Variants in VAV3 observed in about 807,000 individuals in gnomAD.
The protein encoded by VAV3 is guanine nucleotide exchange factor VAV3.
VAV3 carries 94 observed loss-of-function variants against 131.2 expected under a neutral mutation model. That is an observed-to-expected ratio of 0.72 (90% CI 0.61 to 0.85). The LOEUF (loss-of-function observed/expected upper bound fraction) is 0.85. Ranked by LOEUF, VAV3 falls within the 40% of genes least tolerant of loss-of-function variation. The pLI is 0.00. For missense variants in VAV3, 939 were observed against 1,002.7 expected (o/e 0.94, Z 0.86); for synonymous variants, 349 against 342.0 (o/e 1.02, Z -0.22).
intron 1 of VAV3, among the ~76,000 whole-genome samples, chr1:107,957,577 C>A (rs759615544): frequency 2.6e-5 from 4 of 151,942 alleles, no homozygotes; most frequent in Non-Finnish European, 5.9e-5. Context: ...AATCAAAACA[C>A]AACTAAAGAG....
intron 15 of VAV3, among the ~76,000 whole-genome samples, chr1:107,721,455 G>C (rs562718615): frequency 1.3e-5 from 2 of 152,282 alleles, no homozygotes; most frequent in South Asian, 2.1e-4. Flanking sequence ...CTGAGAAAAT[G>C]AGGTATTCCC....
At chr1:107,586,182 C>CTTA (rs1650476698) in intron 25 of VAV3, among the ~76,000 whole-genome samples, 1 of 146,990 alleles carries the variant, frequency 6.8e-6, no homozygotes, top group East Asian at 2.0e-4. Context: ...TAACGTCTAA[C>CTTA]ATAATACACT....
At chr1:107,746,531 A>G (rs890132020) in intron 15 of VAV3, among the ~76,000 whole-genome samples, 1 of 152,190 alleles carries the variant, frequency 6.6e-6, no homozygotes, top group Non-Finnish European at 1.5e-5. Flanking sequence ...ACATACCCCT[A>G]TATGTATAAA....
chr1:107,775,577 C>CAAAAAAAAAAAAAAA (rs34775096), intron 4 of VAV3, among the ~76,000 whole-genome samples: 1 of 56,444 alleles, frequency 1.8e-5, no homozygotes, highest in Non-Finnish European at 2.9e-5. Context: ...GACTCAGTCA[C>CAAAAAAAAAAAAAAA]AAAAAAAAAA....
At chr1:107,864,348 G>A (rs1045946778) in intron 2 of VAV3, among the ~76,000 whole-genome samples, 2 of 152,188 alleles carry the variant, frequency 1.3e-5, no homozygotes, top group African/African-American at 4.8e-5. Context: ...AGGGCCAGTC[G>A]TGGTGGCTCA....
At chr1:107,669,501 A>G (rs1159017009) in intron 19 of VAV3, 13 of 1,276,120 alleles carry the variant, frequency 1.0e-5, no homozygotes, top group African/African-American at 3.1e-5. Flanking sequence ...AAATAAACAC[A>G]TTTTCAAGAA....
intron 25 of VAV3, among the ~76,000 whole-genome samples, chr1:107,587,111 T>C (rs1002833519): frequency 2.6e-5 from 4 of 152,168 alleles, no homozygotes; most frequent in African/African-American, 9.7e-5. Context: ...ATTGTTTAGA[T>C]GTTAAGCTGT....
intron 2 of VAV3, among the ~76,000 whole-genome samples, chr1:107,824,524 C>T (rs574297571): frequency 4.9e-4 from 75 of 152,190 alleles, no homozygotes; most frequent in Non-Finnish European, 9.4e-4. Flanking sequence ...GGCCAGCCTT[C>T]TGAGGAAGTA....
At chr1:107,878,659 A>C (rs1365317473) in intron 1 of VAV3, among the ~76,000 whole-genome samples, 1 of 152,180 alleles carries the variant, frequency 6.6e-6, no homozygotes, top group Non-Finnish European at 1.5e-5. Flanking sequence ...ATATTTCATC[A>C]CATCAGAAGA....
chr1:107,721,304 A>G (rs1451593629), intron 15 of VAV3, among the ~76,000 whole-genome samples: 1 of 152,212 alleles, frequency 6.6e-6, no homozygotes, highest in African/African-American at 2.4e-5. Flanking sequence ...CTGCTACTGT[A>G]TGGCTGTCTT....
At chr1:107,808,093 A>G (rs938701566) in intron 2 of VAV3, among the ~76,000 whole-genome samples, 1 of 152,196 alleles carries the variant, frequency 6.6e-6, no homozygotes, top group Non-Finnish European at 1.5e-5. Context: ...TACATATTTA[A>G]TTAAGTCTCA....
chr1:107,768,561 A>G (rs1664863434), intron 6 of VAV3, 52 bp from the exon 7 acceptor site: 2 of 1,431,710 alleles, frequency 1.4e-6, no homozygotes, highest in African/African-American at 1.4e-5. Flanking sequence ...GTCCTAATCT[A>G]TATAATAGTT....
intron 1 of VAV3, among the ~76,000 whole-genome samples, chr1:107,951,313 A>G (rs571308655): frequency 6.6e-5 from 10 of 152,296 alleles, no homozygotes; most frequent in Non-Finnish European, 1.5e-4. Flanking sequence ...TATAACATCC[A>G]ATAACTTTAT....
At chr1:107,824,787 T>TAAC (rs1557868344) in intron 2 of VAV3, among the ~76,000 whole-genome samples, 1 of 152,030 alleles carries the variant, frequency 6.6e-6, no homozygotes, top group Non-Finnish European at 1.5e-5. Flanking sequence ...AACTAAGTGG[T>TAAC]TAGTCACAAT....
chr1:107,646,372 G>A (rs1444297035), intron 19 of VAV3, among the ~76,000 whole-genome samples: 1 of 151,988 alleles, frequency 6.6e-6, no homozygotes, highest in Non-Finnish European at 1.5e-5. Flanking sequence ...CAACAGATGT[G>A]TTAGCTGAGT....
intron 2 of VAV3, among the ~76,000 whole-genome samples, chr1:107,793,607 G>A (rs981111174): frequency 5.3e-5 from 8 of 152,200 alleles, no homozygotes; most frequent in Non-Finnish European, 1.0e-4. Flanking sequence ...TGGAGGTGAG[G>A]AGCTTGGATT....
rs529974530 is a variant in VAV3 at position 107,817,119 on chromosome 1, A to G, written c.322-37627T>C. Among the ~76,000 whole-genome samples the G allele has an allele frequency of 1.1e-3, 165 of 152,316 alleles. 1 individual carries two copies. The highest frequency in any genetic ancestry group is 3.9e-3 in the African/African-American group (161 of 41,570). ...ATATTCATGGCTCTTGCTCTGAAGG[A>G]GTTCACTACTTACTGGGGAAAGACA... On this transcript the variant is annotated intron_variant, in intron 2 of 26. Transcript: ENST00000370056.
intron 1 of VAV3, among the ~76,000 whole-genome samples, chr1:107,900,798 A>T (rs1047801931): frequency 2.1e-4 from 32 of 152,146 alleles, no homozygotes; most frequent in Non-Finnish European, 1.6e-4. Context: ...CTCTGAACTT[A>T]ACAGACATAT....
chr1:107,630,803 CAAAGGA>C (rs1654409205), intron 20 of VAV3, among the ~76,000 whole-genome samples: 1 of 152,064 alleles, frequency 6.6e-6, no homozygotes, highest in Non-Finnish European at 1.5e-5. Flanking sequence ...CACATGGCTT[CAAAGGA>C]TCAACCAGTA....
Sources: allele counts gnomAD v4.1 joint callset (sites outside exome capture counted in the v4.1 genomes callset), GRCh38; gene constraint gnomAD v4.1.1; transcripts MANE v1.5; gene names NCBI Gene and HGNC (gene_info 2026-07-23, HGNC 2026-07-21).